Variants in ZFP64 observed in about 807,000 individuals in gnomAD.
ZFP64 encodes ZFP64 zinc finger protein.
ZFP64 carries 14 observed loss-of-function variants against 51.6 expected under a neutral mutation model. The ratio of observed to expected loss-of-function variants is 0.27; its 90% CI spans 0.18 to 0.42. The LOEUF is 0.42. Among genes scored for constraint, ZFP64 ranks in the 10% least tolerant of loss-of-function variants. The pLI is 1.00. For missense variants in ZFP64, 754 were observed against 906.8 expected, an observed-to-expected ratio of 0.83 and a Z score of 2.16; for synonymous variants, 375 against 361.4, an observed-to-expected ratio of 1.04 and a Z score of -0.43.
At chr20:52,163,580 T>C (rs759244001) in intron 4 of ZFP64, among the ~76,000 whole-genome samples, 27 of 152,184 alleles carry the variant, frequency 1.8e-4, no homozygotes, top group Non-Finnish European at 2.9e-4. Context: ...TGATTAGATA[T>C]GATGGTGACC....
chr20:52,108,875 C>T (rs1978397187), intron 5 of ZFP64, among the ~76,000 whole-genome samples: 1 of 150,156 alleles, frequency 6.7e-6, no homozygotes, highest in African/African-American at 2.5e-5. Flanking sequence ...CACACACACA[C>T]ACACACACAC....
At chr20:52,123,955 C>T (rs899752907) in intron 5 of ZFP64, among the ~76,000 whole-genome samples, 1 of 151,994 alleles carries the variant, frequency 6.6e-6, no homozygotes, top group African/African-American at 2.4e-5. Flanking sequence ...CTGCAAGCTC[C>T]ACCTCCTGGG....
intron 2 of ZFP64, among the ~76,000 whole-genome samples, chr20:52,171,028 A>T (rs573314283): frequency 1.3e-5 from 2 of 152,368 alleles, no homozygotes; most frequent in South Asian, 4.1e-4. Context: ...AATATAAAAC[A>T]TGGAAGCATA....
chr20:52,123,343 T>A (rs1430386032), intron 5 of ZFP64, among the ~76,000 whole-genome samples: 1 of 152,242 alleles, frequency 6.6e-6, no homozygotes, highest in Non-Finnish European at 1.5e-5. Flanking sequence ...CTATTGCAGT[T>A]AAAATGCTAT....
At chr20:52,118,777 G>A (rs1409740569) in intron 5 of ZFP64, among the ~76,000 whole-genome samples, 2 of 152,232 alleles carry the variant, frequency 1.3e-5, no homozygotes, top group Admixed American at 6.5e-5. Flanking sequence ...CTCACAGAGT[G>A]GGCAGGTAAA....
In ZFP64 at chr20:52,191,585, A is replaced by G. The variant is rs952758916; in HGVS notation, c.46+6T>C. 6.3e-7 allele frequency: 1 copy of G among 1,578,892 alleles called. No homozygotes were observed. The highest frequency in any genetic ancestry group is 8.6e-7 in the Non-Finnish European group (1 of 1,166,050). On this transcript the variant is annotated splice_donor_region_variant and intron_variant, in intron 1 of 5. Coordinates refer to ENST00000216923, the MANE Select transcript of ZFP64 (RefSeq NM_018197.3). This position sits in a 1 kb window ranked among gnomAD's most constrained non-coding sequence, Gnocchi z 4.3. ...GAGCGCGCACTGCTCCCGGAAAAGC[A>G]CTTACTTTGCACCGAGCCCGCGAAG...
intron 5 of ZFP64, among the ~76,000 whole-genome samples, chr20:52,158,747 T>G (rs1981530932): frequency 6.6e-6 from 1 of 152,120 alleles, no homozygotes; most frequent in African/African-American, 2.4e-5. Context: ...TTCTTCACCT[T>G]CCCTGCATCC....
chr20:52,146,864 G>C (rs1468324194), downstream of ZFP64, among the ~76,000 whole-genome samples: 1 of 152,094 alleles, frequency 6.6e-6, no homozygotes, highest in South Asian at 2.1e-4. Context: ...ATTAGAAAAC[G>C]AAATCCAGCA....
chr20:52,178,542 A>G (rs910118208), intron 2 of ZFP64, among the ~76,000 whole-genome samples: 1 of 152,174 alleles, frequency 6.6e-6, no homozygotes, highest in African/African-American at 2.4e-5. Flanking sequence ...TTGTCTTACT[A>G]AATCACTCAT....
chr20:52,140,964 C>G (rs2122911260), intron 5 of ZFP64, among the ~76,000 whole-genome samples: 1 of 152,234 alleles, frequency 6.6e-6, no homozygotes, highest in Middle Eastern at 3.4e-3. Context: ...TCCTAAGGCC[C>G]TTAAGAATGA....
At chr20:52,096,987 T>C in intron 7 of ZFP64, 1 of 537,660 alleles carries the variant, frequency 1.9e-6, no homozygotes, top group Non-Finnish European at 3.7e-6. Context: ...CTGCAAGCAA[T>C]AGGTAAATGA....
In ZFP64 at chr20:52,186,946, C is replaced by T. The variant is rs1176864928; in HGVS notation, c.172G>A (p.Gly58Ser). The T allele has an allele frequency of 4.3e-6, 7 of 1,614,000 alleles. No individual in the cohort carries two copies. The highest frequency in any genetic ancestry group is 5.9e-6 in the Non-Finnish European group (7 of 1,180,008). ...AHKQSGCQLT[G>S]TSAAAPSTVQ... ...GTGCTGGGGGCTGCTGCGGATGTGC[C>T]TGTCAGCTGGCAGCCACTTTGCTTG... Residue 58 changes from glycine to serine, a missense_variant, in exon 2 of 6, where the codon GGC (glycine) becomes AGC (serine). Coordinates refer to ENST00000216923, the MANE Select transcript of ZFP64 (RefSeq NM_018197.3).
At position 52,158,046 on chromosome 20, in the gene ZFP64, C is replaced by A. The variant is rs185074433; in HGVS notation, c.763+2077G>T. 5.3e-5 allele frequency among the ~76,000 whole-genome samples: 8 copies of A among 152,330 alleles called. No homozygotes were observed. In the East Asian group the frequency reaches 1.5e-3, roughly 29 times the overall value. On this transcript the variant is annotated intron_variant, in intron 5 of 5. Transcript: ENST00000216923. ...AGTATTCCACAGTGTATATGTGCCA[C>A]ATTTTCTTTATCCAGTCTATCATTG...
intron 7 of ZFP64, chr20:52,097,225 G>T: frequency 1.1e-6 from 1 of 906,936 alleles, no homozygotes; most frequent in Non-Finnish European, 1.9e-6. Flanking sequence ...CAGCCCTTTT[G>T]CTCCTTCTCC....
At chr20:52,098,550 G>A (rs1409796296) in exon 6 of ZFP64, 7 of 1,614,142 alleles carry the variant, frequency 4.3e-6, no homozygotes, top group Non-Finnish European at 5.1e-6. Flanking sequence ...CAGTGGAGAG[G>A]CAGTTTGCTT....
Position 52,085,467 on chromosome 20 carries a change from T to C in ZFP64, c.1229-201A>G, listed in dbSNP as rs1248241527. On this transcript the variant is annotated intron_variant, in intron 8 of 8. Transcript: ENST00000361387. This position sits in a 1 kb window ranked among gnomAD's most constrained non-coding sequence, Gnocchi z 4.3. ...TGAGTGGGTACTATTACCCCCACTTTACAGATGGGACAACTGAGGCTCAGA... is the reference window on the plus strand; with the variant it reads ...TGAGTGGGTACTATTACCCCCACTTCACAGATGGGACAACTGAGGCTCAGA... 6.6e-6 allele frequency among the ~76,000 whole-genome samples: 1 copy of C among 152,172 alleles called. No homozygotes were observed. Among genetic ancestry groups the C allele is most frequent in the African/African-American group, 2.4e-5 (1 of 41,452 alleles).
chr20:52,183,392 G>A (rs958704809), intron 2 of ZFP64, among the ~76,000 whole-genome samples: 4 of 152,200 alleles, frequency 2.6e-5, no homozygotes, highest in African/African-American at 9.7e-5. Context: ...TCCACTGTGA[G>A]AGGTTCTGGG....
chr20:52,128,924 C>T (rs77286509), intron 5 of ZFP64, among the ~76,000 whole-genome samples: 54,899 of 151,602 alleles, frequency 0.36, 10,664 homozygotes, highest in Non-Finnish European at 0.42. Flanking sequence ...AATTTTCTTT[C>T]TTTTTCTGAG....
At chr20:52,110,687 C>T in intron 5 of ZFP64, 1 of 1,544,960 alleles carries the variant, frequency 6.5e-7, no homozygotes, top group Non-Finnish European at 8.8e-7. Flanking sequence ...AGCTAGACCC[C>T]TTGCCCCTTC....
Sources: allele counts gnomAD v4.1 joint callset (sites outside exome capture counted in the v4.1 genomes callset), GRCh38; gene constraint gnomAD v4.1.1; non-coding constraint Gnocchi (gnomAD v3.1); transcripts MANE v1.5; gene names NCBI Gene and HGNC (gene_info 2026-07-23, HGNC 2026-07-21).